Variants in CLPTM1 observed in about 807,000 individuals in gnomAD.
CLPTM1 encodes putative lipid scramblase CLPTM1.
Under a neutral mutation model 77.3 loss-of-function variants are expected in CLPTM1, and 21 were observed. The ratio of observed to expected loss-of-function variants is 0.27; its 90% CI spans 0.19 to 0.39. CLPTM1 has a LOEUF of 0.39. Among genes scored for constraint, CLPTM1 ranks in the 10% least tolerant of loss-of-function variants. CLPTM1 has a pLI of 1.00. For missense variants in CLPTM1, 642 were observed against 921.2 expected (o/e 0.70, Z 3.92); for synonymous variants, 373 against 381.0 (o/e 0.98, Z 0.24).
At chr19:44,955,217 G>A (rs1970439772), upstream of CLPTM1, 2 of 1,524,074 alleles carry the variant, frequency 1.3e-6, no homozygotes, top group Non-Finnish European at 1.8e-6. Flanking sequence ...AGACGAGTAC[G>A]GTGGCCAGGT....
intron 2 of CLPTM1, among the ~76,000 whole-genome samples, chr19:44,968,976 A>G (rs948155184): frequency 1.1e-4 from 16 of 152,130 alleles, no homozygotes; most frequent in Non-Finnish European, 2.4e-4. Context: ...AGGCAGAGGC[A>G]AGTTCCTGTG....
chr19:44,956,884 T>C (rs1970472445), intron 1 of CLPTM1, among the ~76,000 whole-genome samples: 1 of 152,216 alleles, frequency 6.6e-6, no homozygotes, highest in Admixed American at 6.5e-5. Context: ...GATCCGACAC[T>C]TTTCTTCAGA....
intron 2 of CLPTM1, among the ~76,000 whole-genome samples, chr19:44,965,222 AGGTGC>A (rs1970608049): frequency 6.6e-6 from 1 of 152,222 alleles, no homozygotes; most frequent in Non-Finnish European, 1.5e-5. Flanking sequence ...TCATCCCGCC[AGGTGC>A]GGTGGCTCAC....
At position 44,978,611 on chromosome 19, in the gene CLPTM1, C is replaced by T. The variant is rs147396130; in HGVS notation, c.586+1151C>T. 3.9e-3 allele frequency among the ~76,000 whole-genome samples: 592 copies of T among 151,462 alleles called. 5 individuals are homozygous for T. The highest frequency in any genetic ancestry group is 0.014 in the African/African-American group (561 of 41,268). The stretch of plus-strand genomic sequence containing the variant: ...TTGCACTACAGCTTTCCAGCCTGGG[C>T]GACAGAGCAAGTCCACGTCTCTGAA... On this transcript the variant is annotated intron_variant, in intron 5 of 13. Transcript: ENST00000337392.
Position 44,990,861 on chromosome 19 carries a change from G to T in CLPTM1, c.1335G>T (p.Glu445Asp), listed in dbSNP as rs141869236. ...CACCTCATCCACAGCTGGACCGAGA[G>T]CACAGGGTGGCAGGAATCTTCCCCC... ...TKVMDVRLDR[E>D]HRVAGIFPRL... is the part of the protein sequence containing the mutation. Residue 445 changes from glutamate to aspartate, a missense_variant, in exon 11 of 14, where the codon GAG (glutamate) becomes GAT (aspartate). Coordinates refer to ENST00000337392, the MANE Select transcript of CLPTM1 (RefSeq NM_001294.4). The surrounding 1 kb of genome is among the most constrained non-coding windows in gnomAD (Gnocchi z 4.8). 2 of 1,613,648 alleles carry T rather than the reference G, an allele frequency of 1.2e-6. No homozygotes were observed. Among genetic ancestry groups the T allele is most frequent in the Non-Finnish European group, 1.7e-6 (2 of 1,179,768 alleles).
intron 4 of CLPTM1, among the ~76,000 whole-genome samples, chr19:44,976,414 G>A (rs543233526): frequency 6.6e-5 from 10 of 152,366 alleles, no homozygotes; most frequent in African/African-American, 2.4e-4. Context: ...GAGCCCAGGA[G>A]TTTAAGACTG....
intron 2 of CLPTM1, among the ~76,000 whole-genome samples, chr19:44,966,315 G>T (rs1171525206): frequency 1.3e-5 from 2 of 152,128 alleles, no homozygotes; most frequent in East Asian, 3.9e-4. Flanking sequence ...GGAGGCTGAG[G>T]CAGGAGGATG....
intron 5 of CLPTM1, among the ~76,000 whole-genome samples, chr19:44,981,531 G>T (rs761972056): frequency 6.6e-6 from 1 of 152,160 alleles, no homozygotes; most frequent in African/African-American, 2.4e-5. Flanking sequence ...GGAGGTCAAG[G>T]CTGCAGTGAA....
In CLPTM1 at chr19:44,986,729, C is replaced by T. The variant is rs1366984725; in HGVS notation, c.793+154C>T. 17 of 944,318 alleles carry T rather than the reference C, an allele frequency of 1.8e-5. No homozygotes were observed. In the East Asian group the frequency reaches 4.6e-4, roughly 25 times the overall value. The allele number at this position is 944,318 out of a possible 1,614,324, so 58.5% of individuals were successfully genotyped here. The stretch of plus-strand genomic sequence containing the variant: ...CCCTGTCCTATCCCCTTCCCATGTC[C>T]TCTCCCTCTCCCACACCACCACCCC... On this transcript the variant is annotated intron_variant, in intron 7 of 13. Transcript: ENST00000337392.
At chr19:44,955,125 G>T, upstream of CLPTM1, 1 of 1,535,736 alleles carries the variant, frequency 6.5e-7, no homozygotes, top group Non-Finnish European at 8.7e-7. Context: ...AGAACTTGCG[G>T]GAGGCACATG....
chr19:44,958,175 A>T (rs1294239997), intron 1 of CLPTM1, among the ~76,000 whole-genome samples: 1 of 152,092 alleles, frequency 6.6e-6, no homozygotes, highest in African/African-American at 2.4e-5. Context: ...TCCCAAAGAT[A>T]CACGAGGGAA....
At chr19:44,977,234 CAG>C in intron 4 of CLPTM1, 107 bp from the exon 5 acceptor site, 1 of 810,232 alleles carries the variant, frequency 1.2e-6, no homozygotes, top group Non-Finnish European at 2.1e-6. Context: ...AGTAAATGGC[CAG>C]AGAGTTGAGG....
intron 5 of CLPTM1, chr19:44,984,502 G>A (rs1040009860): frequency 6.6e-6 from 1 of 152,264 alleles, no homozygotes; most frequent in Non-Finnish European, 1.5e-5. Context: ...GCCAGGCCAC[G>A]AAGATTGTGT....
At position 44,993,267 on chromosome 19, in the gene CLPTM1, C is replaced by T. The variant is rs1971115786; in HGVS notation, c.*370C>T. On this transcript the variant is annotated 3_prime_UTR_variant, in exon 14 of 14. Coordinates refer to ENST00000337392, the MANE Select transcript of CLPTM1 (RefSeq NM_001294.4). ...TCTTGTCCCTCGTCCCCCTACCACA[C>T]TCCCCCTCCTAGACCGCCGCCCTTT... The T allele has an allele frequency of 4.2e-6, 2 of 475,080 alleles. No homozygotes were observed. Among genetic ancestry groups the T allele is most frequent in the Non-Finnish European group, 4.1e-6 (1 of 245,162 alleles). 29.4% of individuals were successfully genotyped at this position (475,080 alleles called of 1,614,324 possible). A position where few individuals can be genotyped will look rare whatever the true frequency, so the allele number is the denominator to read the frequency against.
Position 44,990,324 on chromosome 19 carries a change from G to A in CLPTM1, c.1133-71G>A. 1 of 1,521,794 alleles carries A rather than the reference G, an allele frequency of 6.6e-7. No homozygotes were observed. The highest frequency in any genetic ancestry group is 9.0e-7 in the Non-Finnish European group (1 of 1,112,046). 94.3% of individuals were successfully genotyped at this position (1,521,794 alleles called of 1,614,324 possible). On this transcript the variant is annotated intron_variant, in intron 9 of 13. Transcript: ENST00000337392. This position sits in a 1 kb window ranked among gnomAD's most constrained non-coding sequence, Gnocchi z 4.8. ...GGGTGTGAGGATGCAGGCCAAGGGG[G>A]CCTGAGGGAGCTGCAGTAGGGTCTC...
intron 5 of CLPTM1, among the ~76,000 whole-genome samples, chr19:44,978,078 C>T (rs1970833654): frequency 6.6e-6 from 1 of 151,940 alleles, no homozygotes; most frequent in African/African-American, 2.4e-5. Flanking sequence ...CCACTGCACT[C>T]CAGCCTGGGT....
chr19:44,966,866 G>C (rs191078059), intron 2 of CLPTM1, among the ~76,000 whole-genome samples: 1 of 151,590 alleles, frequency 6.6e-6, no homozygotes, highest in Non-Finnish European at 1.5e-5. Context: ...TTGGGAGACA[G>C]AATCTCGCTC....
chr19:44,972,425 T>G (rs992889822), intron 2 of CLPTM1, among the ~76,000 whole-genome samples: 1 of 149,932 alleles, frequency 6.7e-6, no homozygotes, highest in Non-Finnish European at 1.5e-5. Flanking sequence ...TTTTTTTGTA[T>G]TTTTTAGTAG....
intron 2 of CLPTM1, among the ~76,000 whole-genome samples, chr19:44,971,980 C>T (rs1478901395): frequency 1.4e-5 from 2 of 145,736 alleles, no homozygotes; most frequent in South Asian, 2.2e-4. Context: ...AAGTGATTCT[C>T]CTGCCTCAGC....
Sources: gnomAD v4.1 joint callset for allele counts (sites outside exome capture counted in the v4.1 genomes callset) on GRCh38, gnomAD v4.1.1 for gene constraint, Gnocchi (gnomAD v3.1) non-coding constraint, MANE v1.5 for transcripts, NCBI Gene and HGNC (gene_info 2026-07-23, HGNC 2026-07-21) for gene names.